The following SLC25A11 variants were observed in gnomAD, a reference collection of about 807,000 sequenced individuals.
SLC25A11 encodes the protein mitochondrial 2-oxoglutarate/malate carrier protein.
In SLC25A11, 11 loss-of-function variants were observed where a neutral mutation model predicts 32.7. That is an observed-to-expected ratio of 0.34 (90% CI 0.21 to 0.56). The LOEUF is 0.56. Among genes scored for constraint, SLC25A11 ranks in the 20% least tolerant of loss-of-function variants. SLC25A11 has a pLI of 0.90. For missense variants in SLC25A11, 295 were observed against 426.3 expected, an observed-to-expected ratio of 0.69 and a Z score of 2.71; for synonymous variants, 163 against 168.3, an observed-to-expected ratio of 0.97 and a Z score of 0.24.
rs780831920 is a variant in SLC25A11, at chr17:4,938,156, G to A, written c.735C>T (p.Thr245=). The change falls in exon 6 of 8, where the codon ACC becomes ACT. Residue 245 remains threonine (T), a splice_region_variant and synonymous_variant. Transcript: ENST00000225665. The surrounding 1 kb of genome is among the most constrained non-coding windows in gnomAD (Gnocchi z 7.6). ...CCAGGCCCAGGCTGCACACTCACCG[G>A]GTCTTGGCAATGTCCACAGGCATGG... ...AASMPVDIAK[T]RIQNMRMIDG... is the part of the protein sequence containing the mutation. 4.3e-6 allele frequency: 7 copies of A among 1,614,154 alleles called. No homozygotes were observed. The highest frequency in any genetic ancestry group is 5.1e-6 in the Non-Finnish European group (6 of 1,179,998).
rs1293143887 is a variant in SLC25A11 at position 4,939,535 on chromosome 17, G to A, written c.95+281C>T. The A allele has an allele frequency of 1.7e-6, 1 of 577,684 alleles. No individual in the cohort carries two copies. Among genetic ancestry groups the A allele is most frequent in the South Asian group, 2.2e-5 (1 of 45,972 alleles). 35.8% of individuals were successfully genotyped at this position (577,684 alleles called of 1,614,324 possible). A position where few individuals can be genotyped will look rare whatever the true frequency, so the allele number is the denominator to read the frequency against. On this transcript the variant is annotated intron_variant, in intron 1 of 7. Transcript: ENST00000225665. The surrounding 1 kb of genome is among the most constrained non-coding windows in gnomAD (Gnocchi z 4.1). ...TTTAGGACTCCAGGTAGTCCTGCAG[G>A]AGCCATTTAATGGCCTGGAACCCCC...
Position 4,937,246 on chromosome 17 carries a change from CTCCAGCTTCTTTG to C in SLC25A11, c.*482_*494del, listed in dbSNP as rs1199103977. The C allele has an allele frequency of 1.3e-5, 2 of 153,040 alleles. No homozygotes were observed. Among genetic ancestry groups the C allele is most frequent in the Middle Eastern group, 6.8e-3 (2 of 294 alleles). The allele number at this position is 153,040 out of a possible 1,614,324, so 9.5% of individuals were successfully genotyped here. On this transcript the variant is annotated 3_prime_UTR_variant, in exon 8 of 8. Coordinates refer to ENST00000225665, the MANE Select transcript of SLC25A11 (RefSeq NM_003562.5). ...TTTCTTAAAAACTCCAGTTCCTATT[CTCCAGCTTCTTTG>C]TCCAGTCTCCTCCCCTCTCCTAGCC...
Position 4,937,834 on chromosome 17 carries a change from C to T in SLC25A11, c.852G>A (p.Pro284=), listed in dbSNP as rs566786695. The change falls in exon 8 of 8, where the codon CCG becomes CCA. Residue 284 remains proline, a synonymous_variant. Transcript: ENST00000225665. ...GFFSLWKGFT[P]YYARLGPHTV... is the part of the protein sequence containing the mutation. ...TGTGGGGGCCCAGGCGGGCATAGTA[C>T]GGCGTGAAGCCCTTCCACAGGCTGA... 23 of 1,614,168 alleles carry T rather than the reference C, an allele frequency of 1.4e-5. No homozygotes were observed. Among genetic ancestry groups the T allele is most frequent in the Middle Eastern group, 1.6e-4 (1 of 6,062 alleles).
chr17:4,939,246 G>A lies in SLC25A11; in HGVS notation c.96-34C>T. The A allele has an allele frequency of 6.3e-7, 1 of 1,585,194 alleles. No individual in the cohort carries two copies. Among genetic ancestry groups the A allele is most frequent in the Middle Eastern group, 1.7e-4 (1 of 5,944 alleles). On this transcript the variant is annotated intron_variant, in intron 1 of 7. Transcript: ENST00000225665. This position sits in a 1 kb window ranked among gnomAD's most constrained non-coding sequence, Gnocchi z 4.1. ...AGACAGAGGTGGAGTGAAGGGCCAGGCATTCCAGATCTACCAGTGCCCACT... is the reference window on the plus strand; with the variant it reads ...AGACAGAGGTGGAGTGAAGGGCCAGACATTCCAGATCTACCAGTGCCCACT...
At position 4,939,721 on chromosome 17, in the gene SLC25A11, C is replaced by A. The variant is rs949621363; in HGVS notation, c.95+95G>T. On this transcript the variant is annotated intron_variant, in intron 1 of 7. Transcript: ENST00000225665. This position sits in a 1 kb window ranked among gnomAD's most constrained non-coding sequence, Gnocchi z 4.1. ...GGAGATCGCGCTGACCCCGTGCCGG[C>A]ACAGTTCACTGCAACAGACCCAGAG... is the stretch of plus-strand genomic sequence containing the variant. 114 of 991,452 alleles carry A rather than the reference C, an allele frequency of 1.1e-4. No homozygotes were observed. The highest frequency in any genetic ancestry group is 6.7e-4 in the South Asian group (49 of 72,644). The allele number at this position is 991,452 out of a possible 1,614,324, so 61.4% of individuals were successfully genotyped here. A position where few individuals can be genotyped will look rare whatever the true frequency, so the allele number is the denominator to read the frequency against.
At position 4,938,037 on chromosome 17, in the gene SLC25A11, A is replaced by G; in HGVS notation, c.775T>C (p.Tyr259His). The G allele has an allele frequency of 6.2e-7, 1 of 1,614,082 alleles. No individual in the cohort carries two copies. The highest frequency in any genetic ancestry group is 8.5e-7 in the Non-Finnish European group (1 of 1,180,010). ...GGCTTCCTCACCAGCCCGTTCTTGT[A>G]TTCCGGCTTCCCATCAATCATCCGC... Reference protein sequence around the residue: ...NMRMIDGKPEYKNGLDVLFKV... With the variant: ...NMRMIDGKPEHKNGLDVLFKV... Residue 259 changes from tyrosine to histidine, a missense_variant, in exon 7 of 8, where the codon TAC becomes CAC. Around this residue, in one of 3 missense-constraint regions of SLC25A11, gnomAD observed 142 missense variants for 197.8 expected, o/e 0.72. Coordinates refer to ENST00000225665, the MANE Select transcript of SLC25A11 (RefSeq NM_003562.5). The surrounding 1 kb of genome is among the most constrained non-coding windows in gnomAD (Gnocchi z 7.6).
In SLC25A11 at chr17:4,938,236, T is replaced by C. The variant is rs746174878; in HGVS notation, c.655A>G (p.Ile219Val). The C allele has an allele frequency of 1.2e-6, 2 of 1,613,742 alleles. No homozygotes were observed. Among genetic ancestry groups the C allele is most frequent in the South Asian group, 1.1e-5 (1 of 91,054 alleles). The change falls in exon 6 of 8, where the codon ATC (isoleucine) becomes GTC (valine). Residue 219 changes from isoleucine to valine, a missense_variant. This residue lies in a region of SLC25A11 where 142 missense variants were observed against 197.8 expected (regional missense o/e 0.72). Coordinates refer to ENST00000225665, the MANE Select transcript of SLC25A11 (RefSeq NM_003562.5). This position sits in a 1 kb window ranked among gnomAD's most constrained non-coding sequence, Gnocchi z 7.6. ...LLDSGYFSDN[I>V]LCHFCASMIS... ...ATGCTGGCACAGAAGTGGCACAAGA[T>C]GTTGTCAGAGAAGTAGCCTGGGGGA...
chr17:4,937,514 A>AG lies in SLC25A11; in HGVS notation c.*226dup, dbSNP rs3216966. ...ACCCAGGGGGAGGCCAGAAATCCTC[A>AG]GAAGTTTTCCAGCTCCCTGCAAGAA... On this transcript the variant is annotated 3_prime_UTR_variant, in exon 8 of 8. Transcript: ENST00000225665. 355,515 of 443,828 alleles carry AG rather than the reference A, an allele frequency of 0.8. 145,591 individuals are homozygous for AG. Among genetic ancestry groups the AG allele is most frequent in the African/African-American group, 0.97 (48,074 of 49,812 alleles). 27.5% of individuals were successfully genotyped at this position (443,828 alleles called of 1,614,324 possible).
At chr17:4,937,967 C>A (rs983525649) in intron 7 of SLC25A11, 56 bp downstream of exon 7, 8 of 1,613,508 alleles carry the variant, frequency 5.0e-6, no homozygotes, top group Non-Finnish European at 6.8e-6. Flanking sequence ...GCTGCCTTCA[C>A]ACCTTTCCCA....
rs1279157042 is a variant in SLC25A11 at position 4,938,742 on chromosome 17, G to A, written c.455+27C>T. On this transcript the variant is annotated intron_variant, in intron 3 of 7. Coordinates refer to ENST00000225665, the MANE Select transcript of SLC25A11 (RefSeq NM_003562.5). This position sits in a 1 kb window ranked among gnomAD's most constrained non-coding sequence, Gnocchi z 7.6. ...ATTCTAGATTCGAGGGAATGGGGCT[G>A]GGGTTAGGTTCAGACTTGGAACTCA... 2.5e-6 allele frequency: 4 copies of A among 1,600,130 alleles called. No individual in the cohort carries two copies. Among genetic ancestry groups the A allele is most frequent in the Non-Finnish European group, 3.4e-6 (4 of 1,170,038 alleles).
In SLC25A11 at chr17:4,937,662, G is replaced by A. The variant is rs530904936; in HGVS notation, c.*79C>T. 1.4e-6 allele frequency: 2 copies of A among 1,470,162 alleles called. No homozygotes were observed. The highest frequency in any genetic ancestry group is 1.8e-6 in the Non-Finnish European group (2 of 1,097,846). 91.1% of individuals were successfully genotyped at this position (1,470,162 alleles called of 1,614,324 possible). A position where few individuals can be genotyped will look rare whatever the true frequency, so the allele number is the denominator to read the frequency against. ...CACTGTGGAAGGGAAATAAATAGAG[G>A]GGTCCAGGGCAGCAGAGCCCAGGCC... On this transcript the variant is annotated 3_prime_UTR_variant, in exon 8 of 8. Transcript: ENST00000225665.
Position 4,937,579 on chromosome 17 carries a change from G to A in SLC25A11, c.*162C>T. Reference sequence around the variant, plus strand: ...GAAATCACAGGATCAGGACGAGCAGGGCAAGCTGGAGCAGGGGGTAGAACA... The same window carrying A: ...GAAATCACAGGATCAGGACGAGCAGAGCAAGCTGGAGCAGGGGGTAGAACA... On this transcript the variant is annotated 3_prime_UTR_variant, in exon 8 of 8. Coordinates refer to ENST00000225665, the MANE Select transcript of SLC25A11 (RefSeq NM_003562.5). 1 of 754,924 alleles carries A rather than the reference G, an allele frequency of 1.3e-6. No individual in the cohort carries two copies. Among genetic ancestry groups the A allele is most frequent in the Non-Finnish European group, 2.0e-6 (1 of 494,074 alleles). 46.8% of individuals were successfully genotyped at this position (754,924 alleles called of 1,614,324 possible). A position where few individuals can be genotyped will look rare whatever the true frequency, so the allele number is the denominator to read the frequency against.
Position 4,938,855 on chromosome 17 carries a change from A to C in SLC25A11, c.369T>G (p.Ala123=), listed in dbSNP as rs764512185. The C allele has an allele frequency of 5.6e-6, 9 of 1,614,134 alleles. No homozygotes were observed. The highest frequency in any genetic ancestry group is 6.8e-6 in the Non-Finnish European group (8 of 1,180,024). Residue 123 remains alanine (A), a synonymous_variant, in exon 3 of 8, where the codon GCT becomes GCG. Coordinates refer to ENST00000225665, the MANE Select transcript of SLC25A11 (RefSeq NM_003562.5). This position sits in a 1 kb window ranked among gnomAD's most constrained non-coding sequence, Gnocchi z 7.6. The part of the protein sequence containing the change: ...DGTPPGFLLK[A]VIGMTAGATG... ...TGGCACCTGCGGTCATGCCAATCAC[A>C]GCCTTCAGCAGAAAGCCAGGGGGAG...
Position 4,940,026 on chromosome 17 carries a change from G to A in SLC25A11, c.-116C>T, listed in dbSNP as rs1297087034. On this transcript the variant is annotated 5_prime_UTR_variant, in exon 1 of 8. Transcript: ENST00000225665. ...GCGCGCACGCCCCTCCAGCTCTCAGGTCCGACACCCGCTGGAAGCCGGCGC... is the reference window on the plus strand; with the variant it reads ...GCGCGCACGCCCCTCCAGCTCTCAGATCCGACACCCGCTGGAAGCCGGCGC... 2 of 634,190 alleles carry A rather than the reference G, an allele frequency of 3.2e-6. No individual in the cohort carries two copies. Among genetic ancestry groups the A allele is most frequent in the East Asian group, 7.1e-5 (2 of 28,008 alleles). 39.3% of individuals were successfully genotyped at this position (634,190 alleles called of 1,614,324 possible). A position where few individuals can be genotyped will look rare whatever the true frequency, so the allele number is the denominator to read the frequency against.
Position 4,937,870 on chromosome 17 carries a change from G to A in SLC25A11, c.816C>T (p.Tyr272=), listed in dbSNP as rs774162239. 5.0e-6 allele frequency: 8 copies of A among 1,613,764 alleles called. No homozygotes were observed. The South Asian group carries it at 6.6e-5, about 13-fold the overall frequency. The change falls in exon 8 of 8, where the codon TAC becomes TAT. Residue 272 remains tyrosine (Y), a synonymous_variant. Transcript: ENST00000225665. ...CCTTCCACAGGCTGAAGAAGCCCTC[G>A]TAGCGGACAACTTTGAACAGCACGT... is the stretch of plus-strand genomic sequence containing the variant. The part of the protein sequence containing the change: ...GLDVLFKVVR[Y]EGFFSLWKGF...
Position 4,939,413 on chromosome 17 carries a change from T to C in SLC25A11, c.96-201A>G. ...AAGTCTAGTTGTCCAGTAGGGGCCA[T>C]GCAATGAAAGTGCTCCAAGCAGCTT... On this transcript the variant is annotated intron_variant, in intron 1 of 7. Transcript: ENST00000225665. This position sits in a 1 kb window ranked among gnomAD's most constrained non-coding sequence, Gnocchi z 4.1. The C allele has an allele frequency of 3.2e-6, 2 of 627,712 alleles. No homozygotes were observed. The highest frequency in any genetic ancestry group is 5.5e-6 in the Non-Finnish European group (2 of 365,082). The allele number at this position is 627,712 out of a possible 1,614,324, so 38.9% of individuals were successfully genotyped here.
rs755016083 is a variant in SLC25A11 at position 4,939,203 on chromosome 17, A to G, written c.105T>C (p.Ala35=). The G allele has an allele frequency of 1.9e-5, 30 of 1,604,840 alleles. No individual in the cohort carries two copies. In the East Asian group the frequency reaches 6.3e-4, roughly 34 times the overall value. Residue 35 remains alanine, a synonymous_variant, in exon 2 of 8, where the codon GCT becomes GCC. Transcript: ENST00000225665. The surrounding 1 kb of genome is among the most constrained non-coding windows in gnomAD (Gnocchi z 4.1). ...FLFGGLAGMG[A]TVFVQPLDLV... ...GGTCCAGGGGCTGGACAAAAACTGTAGCTCCCATCCTGGGGGAAGACAGAG... is the reference window on the plus strand; with the variant it reads ...GGTCCAGGGGCTGGACAAAAACTGTGGCTCCCATCCTGGGGGAAGACAGAG...
At position 4,938,550 on chromosome 17, in the gene SLC25A11, G is replaced by A; in HGVS notation, c.508C>T (p.Arg170Ter). 1.2e-6 allele frequency: 2 copies of A among 1,614,074 alleles called. No homozygotes were observed. Among genetic ancestry groups the A allele is most frequent in the Non-Finnish European group, 1.7e-6 (2 of 1,179,982 alleles). Residue 170 changes from arginine (R) to a stop codon, truncating the protein, a stop_gained, in exon 4 of 8, where the codon CGA becomes TGA. Coordinates refer to ENST00000225665, the MANE Select transcript of SLC25A11 (RefSeq NM_003562.5). LOFTEE classifies it high-confidence loss of function. This position sits in a 1 kb window ranked among gnomAD's most constrained non-coding sequence, Gnocchi z 7.6. ...AGGACACCCTCTTCCCGGGTGATTC[G>A]AATCAGGGCGTTAAACACATTTTTG... ...GYKNVFNALIRITREEGVLTL... is the reference protein window; with the variant it reads ...GYKNVFNALI
At chr17:4,937,996 C>G (rs1427181655) in intron 7 of SLC25A11, 27 bp downstream of exon 7, 1 of 1,614,052 alleles carries the variant, frequency 6.2e-7, no homozygotes. Flanking sequence ...GACACCCCCT[C>G]CCAGGCCCCC....
Sources: gnomAD v4.1 joint callset for allele counts on GRCh38, gnomAD v4.1.1 for gene constraint, gnomAD v4.1.1 regional missense constraint, Gnocchi (gnomAD v3.1) non-coding constraint, MANE v1.5 for transcripts, NCBI Gene and HGNC (gene_info 2026-07-23, HGNC 2026-07-21) for gene names.